PRH1: variants seen among roughly 807,000 people sequenced by gnomAD.
PRH1 encodes salivary acidic proline-rich phosphoprotein 1/2.
PRH1 carries 7 observed loss-of-function variants against 7.9 expected under a neutral mutation model. The observed-to-expected ratio is 0.89, with a 90% CI of 0.50 to 1.67. PRH1 has a LOEUF of 1.67. Ranked by LOEUF, PRH1 falls within the 40% of genes most tolerant of loss-of-function variation. The pLI, the probability that PRH1 is intolerant of heterozygous loss-of-function variation, is 0.00. For missense variants in PRH1, 109 were observed against 223.6 expected (o/e 0.49, Z 3.27); for synonymous variants, 45 against 80.8 (o/e 0.56, Z 2.38).
intron 2 of PRH1, among the ~76,000 whole-genome samples, chr12:10,948,967 AT>A (rs1307145366): frequency 6.6e-6 from 1 of 152,022 alleles, no homozygotes; most frequent in African/African-American, 2.4e-5. Context: ...CTGTTGCTCA[AT>A]TATATGTTTC....
chr12:11,103,481 C>A (rs1396639871), intron 1 of PRH1, among the ~76,000 whole-genome samples: 3 of 146,592 alleles, frequency 2.0e-5, no homozygotes, highest in Non-Finnish European at 4.5e-5. Context: ...TAGGTGGGAA[C>A]TGAACAACGA....
At chr12:11,059,109 C>T (rs972802354) in intron 1 of PRH1, among the ~76,000 whole-genome samples, 1 of 152,156 alleles carries the variant, frequency 6.6e-6, no homozygotes, top group African/African-American at 2.4e-5. Flanking sequence ...GAAACAATGG[C>T]CAATGGGAAA....
At chr12:10,917,162 A>G (rs898138351) in intron 2 of PRH1, among the ~76,000 whole-genome samples, 2 of 152,166 alleles carry the variant, frequency 1.3e-5, no homozygotes, top group African/African-American at 4.8e-5. Context: ...GCTGGTGAGA[A>G]TGAGGTCATT....
At chr12:11,165,333 TTC>T (rs1947542238) in intron 1 of PRH1, among the ~76,000 whole-genome samples, 1 of 152,070 alleles carries the variant, frequency 6.6e-6, no homozygotes, top group Non-Finnish European at 1.5e-5. Flanking sequence ...TCTTTCATTT[TTC>T]TGTTTGAATA....
At chr12:10,915,378 G>A (rs989238705) in intron 2 of PRH1, among the ~76,000 whole-genome samples, 1 of 152,146 alleles carries the variant, frequency 6.6e-6, no homozygotes, top group African/African-American at 2.4e-5. Flanking sequence ...AAAGCAGAGG[G>A]GTGAAAAAGC....
chr12:11,111,344 T>C (rs1411737644), intron 1 of PRH1, among the ~76,000 whole-genome samples: 1 of 152,188 alleles, frequency 6.6e-6, no homozygotes, highest in Non-Finnish European at 1.5e-5. Context: ...ATCAACAGAA[T>C]ACACATTCTT....
intron 2 of PRH1, among the ~76,000 whole-genome samples, chr12:10,890,849 T>C (rs1175260923): frequency 1.3e-5 from 2 of 151,386 alleles, no homozygotes; most frequent in African/African-American, 2.4e-5. Context: ...TTTTTTTTTT[T>C]CCTCTTGGCT....
At chr12:10,916,763 T>C (rs1949977362) in intron 2 of PRH1, among the ~76,000 whole-genome samples, 1 of 152,000 alleles carries the variant, frequency 6.6e-6, no homozygotes, top group African/African-American at 2.4e-5. Context: ...ACAAATATAT[T>C]TGAGCCGGGC....
intron 2 of PRH1, among the ~76,000 whole-genome samples, chr12:10,934,121 G>T (rs1299414761): frequency 1.3e-5 from 2 of 152,110 alleles, no homozygotes; most frequent in African/African-American, 4.8e-5. Flanking sequence ...AAAAGGCCTA[G>T]TCTTCGAATT....
chr12:10,997,000 TGAAA>T lies in PRH1; in HGVS notation c.-125-23283_-125-23280del, dbSNP rs763711788. On this transcript the variant is annotated intron_variant, in intron 1 of 3. Coordinates refer to the PRH1 transcript ENST00000539853. ...CCCAGCAAGTCACCTGCCACAAAAC[TGAAA>T]GAAAGGTCTGCTTTAGCGTCTTGTT... 7 of 1,613,692 alleles carry T rather than the reference TGAAA, an allele frequency of 4.3e-6. No individual in the cohort carries two copies. In the South Asian group the frequency reaches 7.7e-5, roughly 18 times the overall value.
In PRH1 at chr12:11,031,569, C is replaced by A. The variant is rs184724248; in HGVS notation, c.-126+15451G>T. On this transcript the variant is annotated intron_variant, in intron 1 of 3. Coordinates refer to the PRH1 transcript ENST00000539853. ...GGAAGGCGACCCAGGCAGGTTGCTG[C>A]TGCTGGCTGAAGCCATGAGCTTTTA... Among the ~76,000 whole-genome samples, 512 of 152,076 alleles carry A rather than the reference C, an allele frequency of 3.4e-3. 4 individuals are homozygous for A. The highest frequency in any genetic ancestry group is 5.7e-3 in the Non-Finnish European group (387 of 67,980).
upstream of PRH1, among the ~76,000 whole-genome samples, chr12:10,885,701 AC>A (rs1221547411): frequency 1.3e-5 from 2 of 152,320 alleles, no homozygotes; most frequent in African/African-American, 4.8e-5. Flanking sequence ...ACTCAGAATC[AC>A]CAGCTGCACT....
chr12:10,987,589 G>A (rs1440353697), intron 1 of PRH1, among the ~76,000 whole-genome samples: 1 of 151,702 alleles, frequency 6.6e-6, no homozygotes, highest in African/African-American at 2.4e-5. Context: ...CTAAGAGATG[G>A]AAGGAATTAT....
chr12:10,985,473 A>G (rs1939565682), intron 1 of PRH1, among the ~76,000 whole-genome samples: 1 of 152,172 alleles, frequency 6.6e-6, no homozygotes, highest in Non-Finnish European at 1.5e-5. Context: ...TGTGCTTACT[A>G]TCAAAAAATT....
At chr12:11,135,664 A>T (rs1946529702) in intron 1 of PRH1, among the ~76,000 whole-genome samples, 1 of 152,208 alleles carries the variant, frequency 6.6e-6, no homozygotes. Context: ...TCAGGAATTC[A>T]GGAGCCAAAA....
At chr12:11,119,051 T>A (rs1945815599), downstream of PRH1, among the ~76,000 whole-genome samples, 1 of 144,454 alleles carries the variant, frequency 6.9e-6, no homozygotes, top group Non-Finnish European at 1.5e-5. Context: ...ATATACACAG[T>A]GGAGTACTAT....
At chr12:11,102,716 T>C (rs1233730293) in intron 1 of PRH1, among the ~76,000 whole-genome samples, 4 of 152,120 alleles carry the variant, frequency 2.6e-5, no homozygotes, top group Non-Finnish European at 5.9e-5. Context: ...ATAAAGAGCT[T>C]CTGCACAGCA....
At chr12:11,124,904 G>A (rs1023132078) in intron 1 of PRH1, among the ~76,000 whole-genome samples, 4 of 151,400 alleles carry the variant, frequency 2.6e-5, no homozygotes, top group African/African-American at 7.3e-5. Context: ...GTGCAATGGC[G>A]CAATATTGGC....
At chr12:10,901,459 T>A (rs1949722508) in intron 2 of PRH1, among the ~76,000 whole-genome samples, 1 of 152,168 alleles carries the variant, frequency 6.6e-6, no homozygotes, top group African/African-American at 2.4e-5. Flanking sequence ...TGTTGGTGCT[T>A]GTGTCTGCCA....
Sources: gnomAD v4.1 joint callset for allele counts (sites outside exome capture counted in the v4.1 genomes callset) on GRCh38, gnomAD v4.1.1 for gene constraint, MANE v1.5 for transcripts, NCBI Gene and HGNC (gene_info 2026-07-23, HGNC 2026-07-21) for gene names.